SERGEF: variants seen among roughly 807,000 people sequenced by gnomAD.
SERGEF encodes secretion regulating guanine nucleotide exchange factor, also known as secretion-regulating guanine nucleotide exchange factor.
Under a neutral mutation model 50.0 loss-of-function variants are expected in SERGEF, and 51 were observed. The ratio of observed to expected loss-of-function variants is 1.02; its 90% CI spans 0.81 to 1.29. The LOEUF (loss-of-function observed/expected upper bound fraction) is 1.29. SERGEF is among the 50% of genes most tolerant of loss of function. The pLI, the probability that SERGEF is intolerant of heterozygous loss-of-function variation, is 0.00. For missense variants in SERGEF, 521 were observed against 557.0 expected (o/e 0.94, Z 0.65); for synonymous variants, 205 against 212.4 (o/e 0.97, Z 0.30).
At chr11:17,820,360 G>C (rs1420485460) in intron 10 of SERGEF, among the ~76,000 whole-genome samples, 1 of 152,110 alleles carries the variant, frequency 6.6e-6, no homozygotes, top group Non-Finnish European at 1.5e-5. Flanking sequence ...GCTAGGTGTG[G>C]CTCCCTGCAA....
At chr11:17,954,545 C>T (rs1479159919) in intron 9 of SERGEF, among the ~76,000 whole-genome samples, 1 of 152,204 alleles carries the variant, frequency 6.6e-6, no homozygotes, top group Non-Finnish European at 1.5e-5. Context: ...CGACAGATTG[C>T]ACTTAGACCC....
intron 10 of SERGEF, among the ~76,000 whole-genome samples, chr11:17,828,466 C>T (rs924120204): frequency 4.6e-5 from 7 of 152,330 alleles, no homozygotes; most frequent in Non-Finnish European, 8.8e-5. Flanking sequence ...CTCCACACAG[C>T]GCACGGCTGT....
intron 1 of SERGEF, 96 bp from the exon 2 acceptor site, chr11:18,008,172 C>T: frequency 7.8e-7 from 1 of 1,288,426 alleles, no homozygotes; most frequent in Non-Finnish European, 1.1e-6. Context: ...ACGTATCTCT[C>T]AGACCCTGTA....
At chr11:18,000,258 G>T (rs1853931953) in intron 5 of SERGEF, among the ~76,000 whole-genome samples, 1 of 152,094 alleles carries the variant, frequency 6.6e-6, no homozygotes, top group African/African-American at 2.4e-5. Flanking sequence ...GACCAGCCTG[G>T]GCAACATAGC....
chr11:17,919,877 C>T (rs570302320), intron 9 of SERGEF, among the ~76,000 whole-genome samples: 2 of 149,786 alleles, frequency 1.3e-5, no homozygotes, highest in Non-Finnish European at 3.0e-5. Flanking sequence ...ACCTGGGGAG[C>T]GGAGGTTGCA....
chr11:17,992,335 T>C (rs567161131), intron 7 of SERGEF, among the ~76,000 whole-genome samples: 3 of 152,252 alleles, frequency 2.0e-5, no homozygotes, highest in South Asian at 2.1e-4. Context: ...ACAGAGTAGA[T>C]AGATACACAA....
intron 9 of SERGEF, among the ~76,000 whole-genome samples, chr11:17,882,919 G>C (rs1377144709): frequency 1.3e-5 from 2 of 152,168 alleles, no homozygotes; most frequent in African/African-American, 4.8e-5. Context: ...ACAGGAAACA[G>C]GACCCCACTA....
rs757401213 is a variant in SERGEF at position 17,788,180 on chromosome 11, G to C, written c.1282C>G (p.Gln428Glu). The change falls in exon 11 of 11, where the codon CAG becomes GAG. Residue 428 changes from glutamine to glutamate, a missense_variant. Gln to Glu is a conservative substitution (Grantham distance 29). Transcript: ENST00000265965. ...SPDAIEDTES[Q>E]KAMDKERNWK... The stretch of plus-strand genomic sequence containing the variant: ...TTTCTCTCTTTGTCCATGGCTTTCT[G>C]AGATTCAGTGTCCTCGATGGCATCT... The C allele has an allele frequency of 4.4e-6, 7 of 1,600,928 alleles. No homozygotes were observed. The African/African-American group carries it at 6.7e-5, about 15-fold the overall frequency.
At chr11:17,788,476 C>A in intron 10 of SERGEF, 63 bp from the exon 11 acceptor site, 1 of 1,389,038 alleles carries the variant, frequency 7.2e-7, no homozygotes, top group Non-Finnish European at 9.9e-7. Context: ...AAACATTCAC[C>A]CTGAGGGTAC....
intron 1 of SERGEF, 161 bp downstream of exon 1, chr11:18,012,790 C>CCAA: frequency 8.3e-7 from 1 of 1,211,626 alleles, no homozygotes; most frequent in Non-Finnish European, 1.1e-6. Context: ...CCCGCCCGCT[C>CCAA]CTCCTCCGCT....
At position 17,959,328 on chromosome 11, in the gene SERGEF, T is replaced by G. The variant is rs1392267972; in HGVS notation, c.1011+142A>C. ...ACTGACTTTTGACCACATTAAAGCA[T>G]GAGCTCCTTAGGGCAAGGACCTCTT... On this transcript the variant is annotated intron_variant, in intron 9 of 10. Coordinates refer to ENST00000265965, the MANE Select transcript of SERGEF (RefSeq NM_012139.4). 39 of 695,524 alleles carry G rather than the reference T, an allele frequency of 5.6e-5. 2 individuals carry two copies. The highest frequency in any genetic ancestry group is 4.7e-4 in the South Asian group (23 of 49,218). The allele number at this position is 695,524 out of a possible 1,614,324, so 43.1% of individuals were successfully genotyped here. A position where few individuals can be genotyped will look rare whatever the true frequency, so the allele number is the denominator to read the frequency against.
At chr11:17,790,835 G>T (rs372836262) in intron 10 of SERGEF, among the ~76,000 whole-genome samples, 1 of 152,144 alleles carries the variant, frequency 6.6e-6, no homozygotes, top group African/African-American at 2.4e-5. Context: ...CGTTCAATTA[G>T]TTTGCATTTC....
intron 9 of SERGEF, among the ~76,000 whole-genome samples, chr11:17,911,654 A>G (rs895611989): frequency 2.3e-4 from 35 of 151,740 alleles, no homozygotes; most frequent in African/African-American, 8.2e-4. Context: ...CACCCAGCTA[A>G]TTTTTGTATT....
intron 8 of SERGEF, among the ~76,000 whole-genome samples, chr11:17,979,404 T>C (rs1257477674): frequency 6.6e-6 from 1 of 151,974 alleles, no homozygotes; most frequent in Non-Finnish European, 1.5e-5. Flanking sequence ...ACCTGCAGGG[T>C]CTTCCATAAA....
intron 10 of SERGEF, among the ~76,000 whole-genome samples, chr11:17,829,553 G>A (rs1294960431): frequency 6.6e-6 from 1 of 152,114 alleles, no homozygotes; most frequent in Non-Finnish European, 1.5e-5. Context: ...TTATGGGTAA[G>A]CAAAATAGTG....
chr11:17,836,134 G>A (rs1850393492), intron 10 of SERGEF, among the ~76,000 whole-genome samples: 1 of 152,198 alleles, frequency 6.6e-6, no homozygotes, highest in Admixed American at 6.5e-5. Context: ...GTTTTGTGCT[G>A]GATTCTAGGG....
Position 18,007,877 on chromosome 11 carries a change from T to C in SERGEF, c.196+64A>G, listed in dbSNP as rs748488330. The C allele has an allele frequency of 2.5e-4, 367 of 1,477,848 alleles. 1 individual carries two copies. The highest frequency in any genetic ancestry group is 5.2e-5 in the Non-Finnish European group (56 of 1,079,746). The allele number at this position is 1,477,848 out of a possible 1,614,324, so 91.5% of individuals were successfully genotyped here. On this transcript the variant is annotated intron_variant, in intron 2 of 10. Transcript: ENST00000265965. Reference sequence around the variant, plus strand: ...TACAAAAGGCTGAAAGATGGCAATATCATATCCAGGGGAAAACGTCTAAAT... The same window carrying C: ...TACAAAAGGCTGAAAGATGGCAATACCATATCCAGGGGAAAACGTCTAAAT...
chr11:17,919,193 A>G (rs1013754606), intron 9 of SERGEF, among the ~76,000 whole-genome samples: 9 of 152,236 alleles, frequency 5.9e-5, no homozygotes, highest in African/African-American at 2.2e-4. Flanking sequence ...TAAATTCTCA[A>G]AAGATGCTGA....
At chr11:17,837,659 CTTTTTTTTTTTT>C in intron 10 of SERGEF, among the ~76,000 whole-genome samples, 1 of 133,576 alleles carries the variant, frequency 7.5e-6, no homozygotes, top group East Asian at 2.1e-4. Context: ...AAACCTCTTT[CTTTTTTTTTTTT>C]TTTTTGAGAC....
Sources: allele counts gnomAD v4.1 joint callset (sites outside exome capture counted in the v4.1 genomes callset), GRCh38; gene constraint gnomAD v4.1.1; transcripts MANE v1.5; gene names NCBI Gene and HGNC (gene_info 2026-07-23, HGNC 2026-07-21).